The following NCAM1 variants were observed in gnomAD, a reference collection of about 807,000 sequenced individuals.
The protein encoded by NCAM1 is neural cell adhesion molecule 1.
NCAM1 carries 14 observed loss-of-function variants against 109.8 expected under a neutral mutation model. That is an observed-to-expected ratio of 0.13 (90% CI 0.08 to 0.20). NCAM1 has a LOEUF of 0.20. Ranked by LOEUF, NCAM1 falls within the 10% of genes least tolerant of loss-of-function variation. NCAM1 has a pLI of 1.00. For missense variants in NCAM1, 774 were observed against 1,109.9 expected, an observed-to-expected ratio of 0.70 and a Z score of 4.30; for synonymous variants, 418 against 442.9, an observed-to-expected ratio of 0.94 and a Z score of 0.70.
intron 7 of NCAM1, among the ~76,000 whole-genome samples, chr11:113,211,460 T>C (rs781945462): frequency 2.0e-5 from 3 of 152,250 alleles, no homozygotes; most frequent in Non-Finnish European, 2.9e-5. Flanking sequence ...ACATGTTGCC[T>C]TAGTTATTAG....
intron 1 of NCAM1, among the ~76,000 whole-genome samples, chr11:113,082,723 G>T (rs1257839568): frequency 6.6e-6 from 1 of 152,184 alleles, no homozygotes; most frequent in Non-Finnish European, 1.5e-5. Flanking sequence ...GACAATGCCG[G>T]ATCATGTCGG....
rs569188064 is a variant in NCAM1, at chr11:113,274,452, C to T, written c.2457-815C>T. ...GCCTGTCCCCATGCATCCTCAGACCCGACTCCCTTTCCTGGAACTGATGGA... is the reference window on the plus strand; with the variant it reads ...GCCTGTCCCCATGCATCCTCAGACCTGACTCCCTTTCCTGGAACTGATGGA... On this transcript the variant is annotated intron_variant, in intron 19 of 19. Coordinates refer to ENST00000316851, the MANE Select transcript of NCAM1 (RefSeq NM_181351.5). This position sits in a 1 kb window ranked among gnomAD's most constrained non-coding sequence, Gnocchi z 4.1. Among the ~76,000 whole-genome samples the T allele has an allele frequency of 3.3e-5, 5 of 152,314 alleles. No individual in the cohort carries two copies. The highest frequency in any genetic ancestry group is 1.9e-4 in the East Asian group (1 of 5,168).
chr11:113,175,735 C>A (rs534591687), intron 1 of NCAM1, among the ~76,000 whole-genome samples: 13 of 152,312 alleles, frequency 8.5e-5, no homozygotes, highest in Admixed American at 4.6e-4. Context: ...ATACTCCCCA[C>A]GTATCTGAAC....
intron 1 of NCAM1, among the ~76,000 whole-genome samples, chr11:113,142,627 C>T (rs1194863988): frequency 1.3e-5 from 2 of 152,104 alleles, no homozygotes; most frequent in African/African-American, 2.4e-5. Context: ...CTTACTCTAT[C>T]CTCACCTACC....
chr11:113,158,108 A>G (rs1555103773), intron 1 of NCAM1, among the ~76,000 whole-genome samples: 1 of 152,200 alleles, frequency 6.6e-6, no homozygotes, highest in African/African-American at 2.4e-5. Context: ...ATATCTAAAA[A>G]TTGTATACAT....
chr11:113,232,430 G>A, intron 11 of NCAM1, 76 bp downstream of exon 11: 1 of 1,413,628 alleles, frequency 7.1e-7, no homozygotes, highest in Non-Finnish European at 9.7e-7. Context: ...TGCAGCTCAA[G>A]TCCTCTCTCC....
chr11:112,964,606 G>A (rs1187241798), intron 1 of NCAM1, among the ~76,000 whole-genome samples: 1 of 152,144 alleles, frequency 6.6e-6, no homozygotes, highest in African/African-American at 2.4e-5. Flanking sequence ...AAATTAAGGT[G>A]CGCTTCCACA....
chr11:113,195,790 G>A (rs1943836964), intron 1 of NCAM1, among the ~76,000 whole-genome samples: 2 of 151,850 alleles, frequency 1.3e-5, no homozygotes, highest in Non-Finnish European at 1.5e-5. Context: ...ACAGGTGTGA[G>A]CCACCGCGCC....
At chr11:113,182,375 C>T (rs985718616) in intron 1 of NCAM1, among the ~76,000 whole-genome samples, 2 of 152,178 alleles carry the variant, frequency 1.3e-5, no homozygotes, top group African/African-American at 4.8e-5. Flanking sequence ...TTCCTTCCTT[C>T]ACTGTCCTCT....
At chr11:113,256,084 C>G in intron 16 of NCAM1, 83 bp downstream of exon 16, 3 of 1,510,180 alleles carry the variant, frequency 2.0e-6, no homozygotes, top group Non-Finnish European at 2.7e-6. Flanking sequence ...GGGCAGCCCA[C>G]GGGGCAGGGG....
Position 113,009,312 on chromosome 11 carries a change from G to GTTTTTTTGTTGT in NCAM1, c.52+47655_52+47656insGTTGTTTTTTTT, listed in dbSNP as rs1555073910. 3.0e-3 allele frequency among the ~76,000 whole-genome samples: 238 copies of GTTTTTTTGTTGT among 79,676 alleles called. 8 individuals carry two copies. The highest frequency in any genetic ancestry group is 0.013 in the East Asian group (25 of 1,916). The allele number at this position is 79,676 out of a possible 152,430, so 52.3% of individuals were successfully genotyped here. ...GATTTAATTGGAAGGGTTTTTTCGG[G>GTTTTTTTGTTGT]TTTTTTTTTTTTTTTTTTTTTTTTT... On this transcript the variant is annotated intron_variant, in intron 1 of 19. Coordinates refer to ENST00000316851, the MANE Select transcript of NCAM1 (RefSeq NM_181351.5).
At chr11:113,111,798 G>A (rs1293878706) in intron 1 of NCAM1, among the ~76,000 whole-genome samples, 1 of 152,062 alleles carries the variant, frequency 6.6e-6, no homozygotes, top group African/African-American at 2.4e-5. Context: ...ACTCTGTCTT[G>A]TAACCTATTT....
intron 1 of NCAM1, among the ~76,000 whole-genome samples, chr11:113,113,416 A>G (rs1940539956): frequency 6.6e-6 from 1 of 152,132 alleles, no homozygotes; most frequent in Non-Finnish European, 1.5e-5. Context: ...TGTTCATTTG[A>G]ATTTGTTGAC....
At chr11:113,034,407 G>A (rs7128648) in intron 1 of NCAM1, among the ~76,000 whole-genome samples, 68,616 of 151,952 alleles carry the variant, frequency 0.45, 16,365 homozygotes, top group East Asian at 0.8. Flanking sequence ...GAGTCTTGGT[G>A]TTACCATGAC....
chr11:113,263,547 A>G, intron 17 of NCAM1: 1 of 985,784 alleles, frequency 1.0e-6, no homozygotes, highest in Non-Finnish European at 1.2e-6. Flanking sequence ...TCTGGGGCTG[A>G]TGAACGTTCT....
intron 1 of NCAM1, among the ~76,000 whole-genome samples, chr11:113,184,822 C>T (rs886655331): frequency 6.6e-6 from 1 of 151,994 alleles, no homozygotes; most frequent in African/African-American, 2.4e-5. Flanking sequence ...GCTAGGTGGA[C>T]CAAGGATGTC....
intron 1 of NCAM1, among the ~76,000 whole-genome samples, chr11:113,201,069 A>T (rs1398426159): frequency 1.3e-5 from 2 of 151,466 alleles, no homozygotes; most frequent in Non-Finnish European, 2.9e-5. Flanking sequence ...TCCCTTTTCC[A>T]TCCCTGTCTC....
At chr11:113,156,230 A>G (rs1942404143) in intron 1 of NCAM1, among the ~76,000 whole-genome samples, 1 of 152,208 alleles carries the variant, frequency 6.6e-6, no homozygotes, top group Non-Finnish European at 1.5e-5. Flanking sequence ...ATTAACAGAA[A>G]GAGAGAACAT....
rs1591481807 is a variant in NCAM1, at chr11:113,276,804, G to A, written c.*1417G>A. ...TTCCTGGATTGGAAACCAAGTGGGGGAAAAAATACAGAAACTTTAAGGGGG... is the reference window on the plus strand; with the variant it reads ...TTCCTGGATTGGAAACCAAGTGGGGAAAAAAATACAGAAACTTTAAGGGGG... On this transcript the variant is annotated 3_prime_UTR_variant, in exon 20 of 20. Coordinates refer to ENST00000316851, the MANE Select transcript of NCAM1 (RefSeq NM_181351.5). 1.0e-5 allele frequency: 1 copy of A among 95,846 alleles called. No individual in the cohort carries two copies. Among genetic ancestry groups the A allele is most frequent in the Admixed American group, 1.5e-4 (1 of 6,846 alleles). 5.9% of individuals were successfully genotyped at this position (95,846 alleles called of 1,614,324 possible). A position where few individuals can be genotyped will look rare whatever the true frequency, so the allele number is the denominator to read the frequency against.
Sources: gnomAD v4.1 joint callset for allele counts (sites outside exome capture counted in the v4.1 genomes callset) on GRCh38, gnomAD v4.1.1 for gene constraint, Gnocchi (gnomAD v3.1) non-coding constraint, MANE v1.5 for transcripts, NCBI Gene and HGNC (gene_info 2026-07-23, HGNC 2026-07-21) for gene names.